SORCS2: variants seen among roughly 807,000 people sequenced by gnomAD.
SORCS2 encodes VPS10 domain-containing receptor SorCS2.
Under a neutral mutation model 141.6 loss-of-function variants are expected in SORCS2, and 100 were observed. That is an observed-to-expected ratio of 0.71 (90% CI 0.60 to 0.83). SORCS2 has a LOEUF of 0.83. Among genes scored for constraint, SORCS2 ranks in the 40% least tolerant of loss-of-function variants. SORCS2 has a pLI of 0.00. For missense variants in SORCS2, 1,646 were observed against 1,560.2 expected, an observed-to-expected ratio of 1.05 and a Z score of -0.93; for synonymous variants, 789 against 676.9, an observed-to-expected ratio of 1.17 and a Z score of -2.57.
At chr4:7,247,264 A>T (rs895690337) in intron 1 of SORCS2, among the ~76,000 whole-genome samples, 1 of 151,806 alleles carries the variant, frequency 6.6e-6, no homozygotes, top group Non-Finnish European at 1.5e-5. Flanking sequence ...GCCCAATGTG[A>T]CTAAGAATTA....
intron 2 of SORCS2, among the ~76,000 whole-genome samples, chr4:7,450,784 A>C (rs917752246): frequency 6.6e-6 from 1 of 152,182 alleles, no homozygotes; most frequent in African/African-American, 2.4e-5. Context: ...AGAGTGAATG[A>C]GGGAATGAAT....
chr4:7,225,749 G>C lies in SORCS2; in HGVS notation c.480+32623G>C, dbSNP rs148814186. On this transcript the variant is annotated intron_variant, in intron 1 of 26. Transcript: ENST00000507866. Reference sequence around the variant, plus strand: ...TGCAGACATCTCTCTCTCTCCTCTTGTGCTCTCGGGGCCCCTGTGGTGGTT... The same window carrying C: ...TGCAGACATCTCTCTCTCTCCTCTTCTGCTCTCGGGGCCCCTGTGGTGGTT... Among the ~76,000 whole-genome samples the C allele has an allele frequency of 7.0e-3, 1,061 of 152,294 alleles. 14 individuals are homozygous for C. The highest frequency in any genetic ancestry group is 0.024 in the African/African-American group (1,012 of 41,574).
intron 3 of SORCS2, among the ~76,000 whole-genome samples, chr4:7,604,356 C>T (rs1365242204): frequency 4.6e-5 from 7 of 152,196 alleles, no homozygotes; most frequent in East Asian, 1.9e-4. Context: ...CTCGCTCTGT[C>T]GCCCAGGCTG....
At chr4:7,374,611 C>T (rs533385625) in intron 1 of SORCS2, among the ~76,000 whole-genome samples, 2 of 152,306 alleles carry the variant, frequency 1.3e-5, no homozygotes, top group African/African-American at 4.8e-5. Context: ...CCAGGCCTTG[C>T]CCCCATCCTT....
chr4:7,428,975 T>G (rs1186422315), intron 2 of SORCS2, among the ~76,000 whole-genome samples: 1 of 152,094 alleles, frequency 6.6e-6, no homozygotes, highest in Non-Finnish European at 1.5e-5. Flanking sequence ...ACTAGCAGGA[T>G]TAGTTGTCAC....
intron 1 of SORCS2, among the ~76,000 whole-genome samples, chr4:7,352,834 C>A (rs1476921039): frequency 6.6e-6 from 1 of 152,142 alleles, no homozygotes; most frequent in Admixed American, 6.5e-5. Context: ...GGTGAAGTCA[C>A]GGCCTTTGTC....
intron 2 of SORCS2, among the ~76,000 whole-genome samples, chr4:7,420,598 T>C (rs34427823): frequency 0.12 from 17,513 of 151,936 alleles, 1,168 homozygotes; most frequent in Admixed American, 0.15. Flanking sequence ...TGGAAGGAAG[T>C]CTGGTGTCAC....
At chr4:7,463,521 C>T (rs186528579) in intron 2 of SORCS2, among the ~76,000 whole-genome samples, 1 of 152,242 alleles carries the variant, frequency 6.6e-6, no homozygotes, top group African/African-American at 2.4e-5. Flanking sequence ...CAGAAGCTCT[C>T]GACTCCAGGG....
intron 18 of SORCS2, among the ~76,000 whole-genome samples, chr4:7,720,988 G>A (rs974508342): frequency 1.3e-5 from 2 of 152,192 alleles, no homozygotes; most frequent in South Asian, 2.1e-4. Flanking sequence ...CACTCATGGC[G>A]GTCATATCAG....
chr4:7,511,826 T>G (rs1732672961), intron 2 of SORCS2, among the ~76,000 whole-genome samples: 1 of 152,152 alleles, frequency 6.6e-6, no homozygotes, highest in Non-Finnish European at 1.5e-5. Flanking sequence ...AGGCAAGCTT[T>G]GGCCTGGCCT....
chr4:7,724,918 A>AGGGTGGTGGTG (rs1560115080), intron 19 of SORCS2, among the ~76,000 whole-genome samples: 1 of 27,836 alleles, frequency 3.6e-5, no homozygotes, highest in African/African-American at 1.9e-4. Context: ...TATTGGTGGG[A>AGGGTGGTGGTG]ATGGATGGTG....
intron 1 of SORCS2, among the ~76,000 whole-genome samples, chr4:7,231,894 C>T (rs562721426): frequency 3.6e-4 from 54 of 151,948 alleles, no homozygotes; most frequent in African/African-American, 1.1e-3. Flanking sequence ...CCCAGGCTCT[C>T]GGGGTGGGGA....
At chr4:7,567,662 C>T (rs1245486923) in intron 3 of SORCS2, among the ~76,000 whole-genome samples, 1 of 152,150 alleles carries the variant, frequency 6.6e-6, no homozygotes, top group Non-Finnish European at 1.5e-5. Flanking sequence ...CTCTTTGGCG[C>T]CCTTTGCACA....
At chr4:7,519,497 G>A (rs1249974932) in intron 2 of SORCS2, among the ~76,000 whole-genome samples, 2 of 152,218 alleles carry the variant, frequency 1.3e-5, no homozygotes, top group Non-Finnish European at 1.5e-5. Context: ...GGGAACAGCT[G>A]GAATGGGGAT....
chr4:7,566,470 A>T (rs991016665), intron 3 of SORCS2, among the ~76,000 whole-genome samples: 1 of 152,238 alleles, frequency 6.6e-6, no homozygotes, highest in Non-Finnish European at 1.5e-5. Flanking sequence ...GCCACATAAC[A>T]TTCTTATTTT....
intron 12 of SORCS2, among the ~76,000 whole-genome samples, chr4:7,697,763 G>C (rs1032622564): frequency 6.6e-5 from 10 of 152,004 alleles, no homozygotes; most frequent in African/African-American, 1.9e-4. Flanking sequence ...GAGAATATGG[G>C]GGGAGGAGCA....
At chr4:7,429,301 A>G (rs1020663191) in intron 2 of SORCS2, among the ~76,000 whole-genome samples, 8 of 152,286 alleles carry the variant, frequency 5.3e-5, no homozygotes, top group African/African-American at 1.9e-4. Context: ...CTGGGGGCTC[A>G]CAGCAGCTGG....
At chr4:7,301,502 G>A (rs761467055) in intron 1 of SORCS2, among the ~76,000 whole-genome samples, 162 of 152,322 alleles carry the variant, frequency 1.1e-3, no homozygotes, top group African/African-American at 3.7e-3. Flanking sequence ...TCAGTCCAGC[G>A]CTCAGGCGCT....
At chr4:7,564,986 C>T (rs910621159) in intron 3 of SORCS2, among the ~76,000 whole-genome samples, 2 of 152,096 alleles carry the variant, frequency 1.3e-5, no homozygotes, top group African/African-American at 2.4e-5. Context: ...TGCGGTGCAC[C>T]GGCAGGCTTT....
Sources: gnomAD v4.1 joint callset for allele counts (sites outside exome capture counted in the v4.1 genomes callset) on GRCh38, gnomAD v4.1.1 for gene constraint, MANE v1.5 for transcripts, NCBI Gene and HGNC (gene_info 2026-07-23, HGNC 2026-07-21) for gene names.